The following NOX4 variants were observed in gnomAD, a reference collection of about 807,000 sequenced individuals.
NOX4 encodes kidney oxidase-1.
A neutral mutation model predicts 87.6 loss-of-function variants in NOX4; 69 were observed. The observed-to-expected ratio is 0.79, with a 90% confidence interval of 0.65 to 0.96. The LOEUF is 0.96. Among genes scored for constraint, NOX4 ranks in the 40% least tolerant of loss-of-function variants. NOX4 has a pLI of 0.00. For synonymous variants in NOX4, 275 were observed against 238.2 expected, an observed-to-expected ratio of 1.15 and a Z score of -1.42; for missense variants, 680 against 681.5, an observed-to-expected ratio of 1.00 and a Z score of 0.02.
the NOX4 span, among the ~76,000 whole-genome samples, chr11:89,561,062 T>TACACAC: frequency 1.0e-4 from 11 of 107,096 alleles, 1 homozygote; most frequent in African/African-American, 4.0e-4. Flanking sequence ...TATATATATA[T>TACACAC]ATATATATAT....
chr11:89,388,262 C>A lies in NOX4; in HGVS notation c.1074+11755G>T, dbSNP rs531583316. On this transcript the variant is annotated intron_variant, in intron 11 of 17. Transcript: ENST00000263317. ...CCCTTCCCAACCTCTGCCCAACTTC[C>A]AGGATCAACACACTCATTCACCATT... is the stretch of plus-strand genomic sequence containing the variant. 2.0e-5 allele frequency among the ~76,000 whole-genome samples: 3 copies of A among 152,242 alleles called. No individual in the cohort carries two copies. In the South Asian group the frequency reaches 6.2e-4, roughly 32 times the overall value.
At chr11:89,513,368 C>A in the NOX4 span, among the ~76,000 whole-genome samples, 3 of 151,592 alleles carry the variant, frequency 2.0e-5, no homozygotes, top group Non-Finnish European at 4.4e-5. Flanking sequence ...AGAGCTTTGT[C>A]TTAACTCACT....
chr11:89,440,682 A>C lies in NOX4; in HGVS notation c.475+6T>G, dbSNP rs748396816. On this transcript the variant is annotated splice_donor_region_variant and intron_variant, in intron 6 of 17. Transcript: ENST00000263317. Reference sequence around the variant, plus strand: ...CCTAAAGAAAAGGCTAAGAATAACAACTTACCAGTTGTGAAGAGAAGTTTT... The same window carrying C: ...CCTAAAGAAAAGGCTAAGAATAACACCTTACCAGTTGTGAAGAGAAGTTTT... The C allele has an allele frequency of 6.5e-7, 1 of 1,546,952 alleles. No individual in the cohort carries two copies. The highest frequency in any genetic ancestry group is 1.9e-5 in the Admixed American group (1 of 53,542).
In NOX4 at chr11:89,410,041, G is replaced by C. The variant is rs1454106773; in HGVS notation, c.630-7499C>G. On this transcript the variant is annotated intron_variant, in intron 8 of 17. Transcript: ENST00000263317. ...TTTTGAGACCAGCCTGAGCAACACAGAAAGACCATGTCTCAAAAAATAAAA... is the reference window on the plus strand; with the variant it reads ...TTTTGAGACCAGCCTGAGCAACACACAAAGACCATGTCTCAAAAAATAAAA... Among the ~76,000 whole-genome samples the C allele has an allele frequency of 7.3e-5, 11 of 150,054 alleles. No homozygotes were observed. The Admixed American group carries it at 7.4e-4, about 10-fold the overall frequency.
At chr11:89,571,870 C>T in the NOX4 span, among the ~76,000 whole-genome samples, 10,386 of 152,130 alleles carry the variant, frequency 0.068, 748 homozygotes, top group East Asian at 0.23. Flanking sequence ...ACAGACGGAA[C>T]TCAAAGTCAT....
chr11:89,330,937 C>T (rs1164451873), intron 17 of NOX4, among the ~76,000 whole-genome samples: 1 of 151,854 alleles, frequency 6.6e-6, no homozygotes, highest in African/African-American at 2.4e-5. Flanking sequence ...TACAAGCAGA[C>T]AGAAATTCAG....
intron 3 of NOX4, among the ~76,000 whole-genome samples, chr11:89,450,704 T>C (rs1256962104): frequency 6.6e-6 from 1 of 150,854 alleles, no homozygotes; most frequent in Non-Finnish European, 1.5e-5. Flanking sequence ...GTATATCTCC[T>C]AATGCCATCC....
chr11:89,393,877 C>T (rs1486021892), intron 11 of NOX4, among the ~76,000 whole-genome samples: 1 of 152,116 alleles, frequency 6.6e-6, no homozygotes, highest in Admixed American at 6.6e-5. Context: ...TGAATAGTTA[C>T]TACTATTTTA....
chr11:89,444,088 C>G, intron 5 of NOX4, 47 bp downstream of exon 5: 1 of 1,510,068 alleles, frequency 6.6e-7, no homozygotes, highest in African/African-American at 1.4e-5. Context: ...CCTCATTAGT[C>G]ATCTCATGAC....
rs1300834044 is a variant in NOX4 at position 89,432,799 on chromosome 11, G to A, written c.533C>T (p.Ser178Phe). 6.2e-7 allele frequency: 1 copy of A among 1,609,550 alleles called. No homozygotes were observed. ...TGACACTTACCTTATTGCATATGTA[G>A]AGGCTGTGATCATGAGGAATAGCAC... ...VVVLFLMITASTYAIRVSNYD... is the reference protein window; with the variant it reads ...VVVLFLMITAFTYAIRVSNYD... The change falls in exon 7 of 18, where the codon TCT becomes TTT. Residue 178 changes from serine to phenylalanine, a missense_variant. By Grantham distance (155) the Ser-to-Phe change is radical. Transcript: ENST00000263317.
upstream of NOX4, among the ~76,000 whole-genome samples, chr11:89,494,572 CG>C (rs1946927703): frequency 1.3e-5 from 2 of 152,098 alleles, no homozygotes; most frequent in African/African-American, 4.8e-5. Flanking sequence ...ATTTACACAA[CG>C]TTTATTAGAT....
intron 11 of NOX4, among the ~76,000 whole-genome samples, chr11:89,376,144 C>T (rs754437020): frequency 5.9e-5 from 9 of 152,236 alleles, no homozygotes; most frequent in East Asian, 3.9e-4. Flanking sequence ...TGGTTTTGAA[C>T]GGATAAAACA....
At chr11:89,331,937 A>G (rs1945493341) in intron 17 of NOX4, among the ~76,000 whole-genome samples, 1 of 151,402 alleles carries the variant, frequency 6.6e-6, no homozygotes, top group South Asian at 2.1e-4. Context: ...CGAATTCTAC[A>G]AGGAATCTTT....
chr11:89,439,335 T>C (rs1004818056), intron 6 of NOX4, among the ~76,000 whole-genome samples: 1 of 151,956 alleles, frequency 6.6e-6, no homozygotes, highest in South Asian at 2.1e-4. Context: ...TGAAAACATG[T>C]TTTCAATGAG....
intron 7 of NOX4, among the ~76,000 whole-genome samples, chr11:89,425,109 AT>A (rs1264092078): frequency 6.6e-6 from 1 of 152,116 alleles, no homozygotes; most frequent in African/African-American, 2.4e-5. Flanking sequence ...GGATTTTAAA[AT>A]AAGTATGTCA....
intron 2 of NOX4, among the ~76,000 whole-genome samples, chr11:89,485,597 A>G (rs1269530841): frequency 6.6e-6 from 1 of 152,174 alleles, no homozygotes; most frequent in Non-Finnish European, 1.5e-5. Flanking sequence ...AATATTTCCA[A>G]AAAAAGAAAA....
intron 11 of NOX4, among the ~76,000 whole-genome samples, chr11:89,375,922 G>A (rs991819709): frequency 2.0e-5 from 3 of 152,174 alleles, no homozygotes; most frequent in African/African-American, 7.2e-5. Flanking sequence ...GTGCCTGAGG[G>A]CAAATGTGGC....
intron 3 of NOX4, among the ~76,000 whole-genome samples, chr11:89,450,703 C>G (rs1007051484): frequency 1.3e-5 from 2 of 150,530 alleles, no homozygotes; most frequent in Non-Finnish European, 3.0e-5. Context: ...GGTATATCTC[C>G]TAATGCCATC....
At chr11:89,400,476 A>G (rs1941771783) in intron 9 of NOX4, 97 bp from the exon 10 acceptor site, 1 of 717,178 alleles carries the variant, frequency 1.4e-6, no homozygotes, top group African/African-American at 1.8e-5. Flanking sequence ...CAGTAATAGT[A>G]TTTTAATTTG....
Sources: gnomAD v4.1 joint callset for allele counts (sites outside exome capture counted in the v4.1 genomes callset) on GRCh38, gnomAD v4.1.1 for gene constraint, MANE v1.5 for transcripts, NCBI Gene and HGNC (gene_info 2026-07-23, HGNC 2026-07-21) for gene names.